PPP2R5E: variants seen among roughly 807,000 people sequenced by gnomAD.
PPP2R5E encodes serine/threonine-protein phosphatase 2A 56 kDa regulatory subunit epsilon isoform.
In PPP2R5E, 4 loss-of-function variants were observed where a neutral mutation model predicts 65.3. The observed-to-expected ratio is 0.06, with a 90% CI of 0.03 to 0.14. The LOEUF (loss-of-function observed/expected upper bound fraction) is 0.14. Among genes scored for constraint, PPP2R5E ranks in the 10% least tolerant of loss-of-function variants. PPP2R5E has a pLI of 1.00. For missense variants in PPP2R5E, 274 were observed against 556.1 expected, an observed-to-expected ratio of 0.49 and a Z score of 5.10; for synonymous variants, 183 against 187.4, an observed-to-expected ratio of 0.98 and a Z score of 0.19.
chr14:63,505,109 C>T (rs61983973), intron 2 of PPP2R5E, among the ~76,000 whole-genome samples: 2 of 151,998 alleles, frequency 1.3e-5, no homozygotes, highest in Admixed American at 1.3e-4. Flanking sequence ...CCGAGACAGG[C>T]GGATCATTTG....
At chr14:63,396,393 AGAG>A (rs1287575202) in intron 6 of PPP2R5E, among the ~76,000 whole-genome samples, 190 bp downstream of exon 6, 2 of 68,670 alleles carry the variant, frequency 2.9e-5, no homozygotes, top group Admixed American at 4.3e-4. Context: ...ATGGGGGAGG[AGAG>A]GAGAAGATGG....
At chr14:63,540,217 G>A (rs1893835757) in intron 1 of PPP2R5E, among the ~76,000 whole-genome samples, 1 of 151,836 alleles carries the variant, frequency 6.6e-6, no homozygotes, top group African/African-American at 2.4e-5. Context: ...GATCACTTGA[G>A]GTCAGGAGTT....
At chr14:63,404,175 T>C (rs1885934256) in intron 5 of PPP2R5E, among the ~76,000 whole-genome samples, 1 of 152,190 alleles carries the variant, frequency 6.6e-6, no homozygotes, top group Non-Finnish European at 1.5e-5. Flanking sequence ...AAAGTAGGCA[T>C]TATCAAAACT....
Position 63,537,769 on chromosome 14 carries a change from A to C in PPP2R5E, c.157+1760T>G, listed in dbSNP as rs1255786. ...CAGGTTGCCTGGTTTCCTCCAAGCC[A>C]CACTAAAGCTCATTGTGTTGTTCAT... On this transcript the variant is annotated intron_variant, in intron 2 of 13. Coordinates refer to ENST00000337537, the MANE Select transcript of PPP2R5E (RefSeq NM_006246.5). 7.2e-3 allele frequency among the ~76,000 whole-genome samples: 1,090 copies of C among 152,254 alleles called. 17 individuals are homozygous for C. Among genetic ancestry groups the C allele is most frequent in the African/African-American group, 0.025 (1,031 of 41,544 alleles).
chr14:63,409,170 T>C (rs1234682978), intron 5 of PPP2R5E, among the ~76,000 whole-genome samples: 7 of 152,046 alleles, frequency 4.6e-5, no homozygotes, highest in Non-Finnish European at 8.8e-5. Context: ...GAGGCGGAGG[T>C]TGCAGTGAGC....
At chr14:63,539,724 A>G (rs776035216) in intron 1 of PPP2R5E, 32 bp from the exon 2 acceptor site, 8 of 1,579,562 alleles carry the variant, frequency 5.1e-6, no homozygotes, top group Non-Finnish European at 6.9e-6. Flanking sequence ...AAACCCATAC[A>G]TTCCCAAGGT....
intron 2 of PPP2R5E, among the ~76,000 whole-genome samples, chr14:63,526,619 T>C (rs775917644): frequency 2.6e-5 from 4 of 152,120 alleles, no homozygotes; most frequent in Non-Finnish European, 5.9e-5. Context: ...AGCAGCATGA[T>C]CTTGGCTCAC....
intron 2 of PPP2R5E, among the ~76,000 whole-genome samples, chr14:63,512,358 T>C (rs1484963663): frequency 4.6e-5 from 7 of 152,194 alleles, no homozygotes; most frequent in South Asian, 2.1e-4. Flanking sequence ...GATGGAAGGA[T>C]AGAAGGACAA....
chr14:63,539,431 C>T (rs2139777196), intron 2 of PPP2R5E, 98 bp downstream of exon 2: 1 of 1,320,420 alleles, frequency 7.6e-7, no homozygotes, highest in Admixed American at 2.3e-5. Context: ...CCCATCCCTT[C>T]AATTTGCAAC....
intron 2 of PPP2R5E, among the ~76,000 whole-genome samples, chr14:63,520,287 G>A (rs1255760): frequency 0.031 from 4,730 of 151,880 alleles, 237 homozygotes; most frequent in African/African-American, 0.11. Context: ...CGCCCGCCTC[G>A]GCCTCCCAAA....
chr14:63,385,999 T>C (rs1335294199), intron 11 of PPP2R5E, among the ~76,000 whole-genome samples: 2 of 152,110 alleles, frequency 1.3e-5, no homozygotes, highest in South Asian at 2.1e-4. Context: ...CAAAAGAACA[T>C]CTCAAAAACA....
At chr14:63,382,031 T>G in intron 13 of PPP2R5E, 25 bp downstream of exon 13, 13 of 1,579,236 alleles carry the variant, frequency 8.2e-6, no homozygotes, top group Non-Finnish European at 1.1e-5. Flanking sequence ...TATGCACAGC[T>G]GACAAAAAAG....
At chr14:63,487,906 T>TA (rs61336431) in intron 2 of PPP2R5E, among the ~76,000 whole-genome samples, 22,188 of 152,204 alleles carry the variant, frequency 0.15, 1,687 homozygotes, top group East Asian at 0.21. Context: ...ATCAAGGTTT[T>TA]AGTAACTTCC....
chr14:63,400,782 C>T (rs1176423535), intron 5 of PPP2R5E, among the ~76,000 whole-genome samples: 13 of 151,054 alleles, frequency 8.6e-5, no homozygotes, highest in Non-Finnish European at 1.9e-4. Flanking sequence ...ATCCACCTAC[C>T]CAATCCACCC....
At chr14:63,393,014 A>C (rs1885111016) in intron 8 of PPP2R5E, among the ~76,000 whole-genome samples, 1 of 152,224 alleles carries the variant, frequency 6.6e-6, no homozygotes, top group Admixed American at 6.5e-5. Flanking sequence ...GAAAAAAAAA[A>C]TGTGAAAATA....
At chr14:63,515,641 C>A (rs978737387) in intron 2 of PPP2R5E, among the ~76,000 whole-genome samples, 1 of 151,894 alleles carries the variant, frequency 6.6e-6, no homozygotes, top group African/African-American at 2.4e-5. Flanking sequence ...CTGCCTCAGC[C>A]TCCCGAGTAG....
At chr14:63,461,640 T>TTAAAAAAA (rs769227981) in intron 2 of PPP2R5E, among the ~76,000 whole-genome samples, 3 of 139,790 alleles carry the variant, frequency 2.1e-5, no homozygotes, top group Admixed American at 7.0e-5. Flanking sequence ...CTACAAAATT[T>TTAAAAAAA]AAAAAAAAAA....
At chr14:63,449,675 G>C (rs1162967262) in intron 3 of PPP2R5E, among the ~76,000 whole-genome samples, 1 of 152,050 alleles carries the variant, frequency 6.6e-6, no homozygotes, top group African/African-American at 2.4e-5. Flanking sequence ...ATGTTACCTA[G>C]GTGGAATATT....
chr14:63,401,780 T>C (rs1337501907), intron 5 of PPP2R5E, among the ~76,000 whole-genome samples: 1 of 152,154 alleles, frequency 6.6e-6, no homozygotes. Context: ...AAGAGGTAAC[T>C]ATCTTAAGTT....
Sources: allele counts gnomAD v4.1 joint callset (sites outside exome capture counted in the v4.1 genomes callset), GRCh38; gene constraint gnomAD v4.1.1; transcripts MANE v1.5; gene names NCBI Gene and HGNC (gene_info 2026-07-23, HGNC 2026-07-21).